Variants in TMEM74 observed in about 807,000 individuals in gnomAD.
TMEM74 encodes the protein transmembrane protein 74.
Under a neutral mutation model 18.1 loss-of-function variants are expected in TMEM74, and 13 were observed. The observed-to-expected ratio is 0.72, with a 90% confidence interval of 0.47 to 1.14. The LOEUF (loss-of-function observed/expected upper bound fraction) is 1.14. Ranked by LOEUF, TMEM74 falls within the 50% of genes most tolerant of loss-of-function variation. The pLI is 0.00. For synonymous variants in TMEM74, 159 were observed against 146.6 expected (o/e 1.08, Z -0.61); for missense variants, 372 against 375.9 (o/e 0.99, Z 0.09).
intron 1 of TMEM74, among the ~76,000 whole-genome samples, chr8:108,685,732 A>G (rs757299627): frequency 6.6e-6 from 1 of 152,202 alleles, no homozygotes; most frequent in Non-Finnish European, 1.5e-5. Flanking sequence ...ATTTGCATAC[A>G]ATAGAATTGT....
chr8:108,764,801 A>G (rs1278636451), intron 1 of TMEM74, among the ~76,000 whole-genome samples: 1 of 152,144 alleles, frequency 6.6e-6, no homozygotes, highest in Non-Finnish European at 1.5e-5. Flanking sequence ...CTGGCTGCTA[A>G]AAATGCTTGT....
chr8:108,726,860 A>T (rs1036459381), intron 1 of TMEM74, among the ~76,000 whole-genome samples: 1 of 152,144 alleles, frequency 6.6e-6, no homozygotes, highest in South Asian at 2.1e-4. Context: ...TGCCAAAAAA[A>T]CCTAGAGGAT....
chr8:108,778,245 G>T (rs1012461456), downstream of TMEM74, among the ~76,000 whole-genome samples: 4 of 152,096 alleles, frequency 2.6e-5, no homozygotes, highest in Non-Finnish European at 5.9e-5. Context: ...GCATTTCCTG[G>T]CTTAAGTGGG....
chr8:108,695,478 A>G (rs754774836), intron 1 of TMEM74, among the ~76,000 whole-genome samples: 2 of 152,202 alleles, frequency 1.3e-5, no homozygotes, highest in Non-Finnish European at 2.9e-5. Flanking sequence ...TTATTTCACT[A>G]TATCTTCACA....
At chr8:108,619,959 T>C (rs1812423112) in intron 2 of TMEM74, among the ~76,000 whole-genome samples, 1 of 152,178 alleles carries the variant, frequency 6.6e-6, no homozygotes, top group Non-Finnish European at 1.5e-5. Context: ...CTGCTGCCTC[T>C]TCTTTTTCTT....
In TMEM74 at chr8:108,767,871, G is replaced by A. The variant is rs537950030; in HGVS notation, n.119+19605C>T. ...GGTATAAATATAGTGACCATATACC[G>A]TTTTTTTTCAGGGACATTTTGATTT... On this transcript the variant is annotated intron_variant and non_coding_transcript_variant, in intron 1 of 3. Coordinates refer to the TMEM74 transcript ENST00000518838. 3.4e-5 allele frequency among the ~76,000 whole-genome samples: 5 copies of A among 147,242 alleles called. No individual in the cohort carries two copies. The South Asian group carries it at 6.4e-4, about 19-fold the overall frequency.
At chr8:108,727,612 A>G (rs1813652026) in intron 1 of TMEM74, among the ~76,000 whole-genome samples, 3 of 152,184 alleles carry the variant, frequency 2.0e-5, no homozygotes, top group South Asian at 2.1e-4. Flanking sequence ...TCATAGATAT[A>G]TAAGTAGAGG....
intron 1 of TMEM74, among the ~76,000 whole-genome samples, chr8:108,757,619 T>G (rs1263587088): frequency 6.6e-6 from 1 of 152,084 alleles, no homozygotes; most frequent in African/African-American, 2.4e-5. Flanking sequence ...TTCTGTGTTT[T>G]TTTTAAACAA....
intron 2 of TMEM74, among the ~76,000 whole-genome samples, chr8:108,641,705 ATAGT>A (rs1318141413): frequency 2.0e-5 from 3 of 152,162 alleles, no homozygotes; most frequent in Non-Finnish European, 4.4e-5. Context: ...CTTGGTCTGG[ATAGT>A]TAATTTGAAA....
chr8:108,727,103 G>A (rs1298031862), intron 1 of TMEM74, among the ~76,000 whole-genome samples: 1 of 152,130 alleles, frequency 6.6e-6, no homozygotes, highest in African/African-American at 2.4e-5. Flanking sequence ...GAAGCAAAAT[G>A]AGCAAGAAGG....
chr8:108,679,639 G>A (rs1813092322), intron 1 of TMEM74, among the ~76,000 whole-genome samples: 1 of 152,048 alleles, frequency 6.6e-6, no homozygotes, highest in Non-Finnish European at 1.5e-5. Context: ...TGTAGATTCT[G>A]GATATTAGCC....
chr8:108,742,224 T>G (rs1385272646), intron 1 of TMEM74, among the ~76,000 whole-genome samples: 1 of 152,102 alleles, frequency 6.6e-6, no homozygotes, highest in Non-Finnish European at 1.5e-5. Context: ...TAAGATAATC[T>G]GTACAACGAA....
intron 1 of TMEM74, among the ~76,000 whole-genome samples, chr8:108,741,045 T>C (rs959848698): frequency 6.6e-6 from 1 of 152,222 alleles, no homozygotes; most frequent in African/African-American, 2.4e-5. Context: ...ACAATATAGA[T>C]AATATCTTAT....
At chr8:108,702,036 T>C (rs1295495941) in intron 1 of TMEM74, among the ~76,000 whole-genome samples, 1 of 152,072 alleles carries the variant, frequency 6.6e-6, no homozygotes, top group Non-Finnish European at 1.5e-5. Context: ...ATCATATGGT[T>C]GGTATTGGCA....
At chr8:108,613,211 A>T (rs1164147633) in intron 2 of TMEM74, among the ~76,000 whole-genome samples, 11 of 152,176 alleles carry the variant, frequency 7.2e-5, no homozygotes, top group Non-Finnish European at 1.5e-4. Flanking sequence ...CTGGGGAAAA[A>T]AAATTCAACC....
intron 1 of TMEM74, among the ~76,000 whole-genome samples, chr8:108,670,308 G>C (rs967955933): frequency 6.6e-6 from 1 of 152,146 alleles, no homozygotes; most frequent in African/African-American, 2.4e-5. Flanking sequence ...AGAACATTGA[G>C]TAGGCATTGG....
At chr8:108,688,748 C>T (rs1813196554) in intron 1 of TMEM74, among the ~76,000 whole-genome samples, 1 of 152,170 alleles carries the variant, frequency 6.6e-6, no homozygotes, top group Non-Finnish European at 1.5e-5. Flanking sequence ...CTTGATATCT[C>T]CTAATCAAGC....
chr8:108,784,736 C>A lies in TMEM74; in HGVS notation c.363G>T (p.Glu121Asp), dbSNP rs1374708833. 6.2e-7 allele frequency: 1 copy of A among 1,614,200 alleles called. No homozygotes were observed. Among genetic ancestry groups the A allele is most frequent in the African/African-American group, 1.3e-5 (1 of 75,028 alleles). ...FTYVDKNINL[E>D]QRNRSSPSAK... is the part of the protein sequence containing the mutation. ...CTGATGGCGAGCTCCGGTTCCGCTG[C>A]TCCAAGTTGATGTTTTTGTCCACAT... The change falls in exon 2 of 2, where the codon GAG (glutamate) becomes GAT (aspartate). Residue 121 changes from glutamate (E) to aspartate (D), a missense_variant. Transcript: ENST00000297459.
chr8:108,703,983 T>C (rs1213124661), intron 1 of TMEM74, among the ~76,000 whole-genome samples: 1 of 152,198 alleles, frequency 6.6e-6, no homozygotes, highest in Non-Finnish European at 1.5e-5. Context: ...TGTGAATAAA[T>C]GCTGCCCCCT....
Sources: gnomAD v4.1 joint callset for allele counts (sites outside exome capture counted in the v4.1 genomes callset) on GRCh38, gnomAD v4.1.1 for gene constraint, MANE v1.5 for transcripts, NCBI Gene and HGNC (gene_info 2026-07-23, HGNC 2026-07-21) for gene names.